TAFA1: variants seen among roughly 807,000 people sequenced by gnomAD.
TAFA1 encodes the protein TAFA chemokine like family member 1.
A neutral mutation model predicts 18.5 loss-of-function variants in TAFA1; 4 were observed. The ratio of observed to expected loss-of-function variants is 0.22; its 90% CI spans 0.11 to 0.49. The LOEUF (loss-of-function observed/expected upper bound fraction) is 0.49, where lower values mean the gene tolerates loss of function less well. TAFA1 is among the 20% of genes least tolerant of loss of function. TAFA1 has a pLI of 0.98. For missense variants in TAFA1, 147 were observed against 169.0 expected (o/e 0.87, Z 0.72); for synonymous variants, 56 against 55.2 (o/e 1.01, Z -0.06).
At chr3:67,996,183 A>G in the TAFA1 span, among the ~76,000 whole-genome samples, 1 of 152,184 alleles carries the variant, frequency 6.6e-6, no homozygotes, top group Non-Finnish European at 1.5e-5. Flanking sequence ...TTGGTAAACA[A>G]ATGACTGCCC....
At chr3:68,068,171 A>G (rs2064706934) in intron 2 of TAFA1, among the ~76,000 whole-genome samples, 2 of 152,234 alleles carry the variant, frequency 1.3e-5, no homozygotes, top group Admixed American at 1.3e-4. Context: ...ACTTAAAAAA[A>G]GTTTCAAACT....
chr3:68,137,008 T>C (rs1365621688), intron 2 of TAFA1, among the ~76,000 whole-genome samples: 1 of 152,180 alleles, frequency 6.6e-6, no homozygotes, highest in Non-Finnish European at 1.5e-5. Flanking sequence ...TTTTCAAGAA[T>C]ATAAGTTTTT....
intron 3 of TAFA1, among the ~76,000 whole-genome samples, chr3:68,488,163 G>A (rs1249405550): frequency 2.6e-5 from 4 of 152,142 alleles, no homozygotes; most frequent in Non-Finnish European, 4.4e-5. Flanking sequence ...ACAATCACAA[G>A]GTGATGTCCC....
chr3:68,294,273 T>G (rs140924933), intron 2 of TAFA1, among the ~76,000 whole-genome samples: 1 of 152,354 alleles, frequency 6.6e-6, no homozygotes, highest in Admixed American at 6.5e-5. Context: ...TAAATTTTCA[T>G]GTAGCCACAT....
chr3:68,545,297 T>G lies in TAFA1; in HGVS notation c.*794T>G, dbSNP rs578152216. 8 of 152,708 alleles carry G rather than the reference T, an allele frequency of 5.2e-5. No homozygotes were observed. Among genetic ancestry groups the G allele is most frequent in the African/African-American group, 1.7e-4 (7 of 41,552 alleles). 9.5% of individuals were successfully genotyped at this position (152,708 alleles called of 1,614,324 possible). Reference sequence around the variant, plus strand: ...TAAGGGAGCCACTCCACCATGCTATTAAGACTCTGGCAGAGTTATGGGTAG... The same window carrying G: ...TAAGGGAGCCACTCCACCATGCTATGAAGACTCTGGCAGAGTTATGGGTAG... On this transcript the variant is annotated 3_prime_UTR_variant, in exon 5 of 5. Transcript: ENST00000478136.
intron 2 of TAFA1, among the ~76,000 whole-genome samples, chr3:68,170,434 G>A (rs758601004): frequency 2.8e-4 from 43 of 152,198 alleles, no homozygotes; most frequent in Non-Finnish European, 5.6e-4. Flanking sequence ...GTTGTTTAAT[G>A]TTGCAGCTTT....
chr3:68,378,606 G>T (rs917210057), intron 2 of TAFA1, among the ~76,000 whole-genome samples: 1 of 152,160 alleles, frequency 6.6e-6, no homozygotes, highest in Non-Finnish European at 1.5e-5. Flanking sequence ...GGCATGACTG[G>T]TTTTCAAATG....
intron 2 of TAFA1, among the ~76,000 whole-genome samples, chr3:68,174,440 TG>T (rs1471615311): frequency 1.3e-5 from 2 of 152,044 alleles, no homozygotes; most frequent in Non-Finnish European, 2.9e-5. Flanking sequence ...ACAAAAATGC[TG>T]ATAGTGACAT....
chr3:68,438,182 A>G (rs1392086381), intron 3 of TAFA1, among the ~76,000 whole-genome samples: 1 of 151,788 alleles, frequency 6.6e-6, no homozygotes, highest in Admixed American at 6.6e-5. Context: ...AACAGACAAA[A>G]CCCTGTCTCT....
chr3:68,432,975 A>G (rs1469115010), intron 3 of TAFA1, among the ~76,000 whole-genome samples: 1 of 151,840 alleles, frequency 6.6e-6, no homozygotes, highest in Non-Finnish European at 1.5e-5. Context: ...GGCTTCAGAG[A>G]CCCAAATAGC....
intron 2 of TAFA1, among the ~76,000 whole-genome samples, chr3:68,103,416 C>G (rs1022300834): frequency 6.6e-6 from 1 of 152,150 alleles, no homozygotes; most frequent in Non-Finnish European, 1.5e-5. Context: ...CTTAGCTGTT[C>G]ATTCCTAAGT....
intron 2 of TAFA1, among the ~76,000 whole-genome samples, chr3:68,329,366 A>C (rs540412849): frequency 1.3e-5 from 2 of 151,764 alleles, no homozygotes; most frequent in East Asian, 1.9e-4. Context: ...GCGCCCAGCC[A>C]CTTGTGACCA....
intron 3 of TAFA1, among the ~76,000 whole-genome samples, chr3:68,512,708 G>A (rs888969052): frequency 1.3e-5 from 2 of 151,244 alleles, no homozygotes; most frequent in African/African-American, 4.9e-5. Flanking sequence ...TTGTTTGTTT[G>A]TTTGTTTGTT....
chr3:68,155,483 G>A (rs1348906723), intron 2 of TAFA1, among the ~76,000 whole-genome samples: 2 of 152,056 alleles, frequency 1.3e-5, no homozygotes, highest in South Asian at 2.1e-4. Context: ...CGCCTGCCCC[G>A]TTATTTCAGA....
intron 2 of TAFA1, among the ~76,000 whole-genome samples, chr3:68,371,257 C>T (rs570942822): frequency 1.9e-4 from 29 of 152,084 alleles, no homozygotes; most frequent in African/African-American, 6.0e-4. Flanking sequence ...ATGTGCAGAA[C>T]GTGAAGGTTT....
chr3:68,355,866 G>A (rs762041394), intron 2 of TAFA1, among the ~76,000 whole-genome samples: 45 of 152,014 alleles, frequency 3.0e-4, no homozygotes, highest in Non-Finnish European at 5.0e-4. Context: ...CTGAATGATT[G>A]TAGCTAGGCA....
intron 3 of TAFA1, among the ~76,000 whole-genome samples, chr3:68,442,139 AT>A (rs571611689): frequency 6.6e-6 from 1 of 152,000 alleles, no homozygotes; most frequent in Non-Finnish European, 1.5e-5. Flanking sequence ...CCTTATATCA[AT>A]TTTTTTAATT....
intron 2 of TAFA1, among the ~76,000 whole-genome samples, chr3:68,089,552 T>G (rs1208406666): frequency 6.6e-6 from 1 of 152,180 alleles, no homozygotes; most frequent in African/African-American, 2.4e-5. Context: ...ACCAGACATT[T>G]ATTTATATTA....
intron 2 of TAFA1, among the ~76,000 whole-genome samples, chr3:68,319,794 C>T (rs1379588442): frequency 6.6e-6 from 1 of 152,060 alleles, no homozygotes; most frequent in African/African-American, 2.4e-5. Context: ...GCATTAAATC[C>T]TTTACTCCAG....
Sources: allele counts gnomAD v4.1 joint callset (sites outside exome capture counted in the v4.1 genomes callset), GRCh38; gene constraint gnomAD v4.1.1; transcripts MANE v1.5; gene names NCBI Gene and HGNC (gene_info 2026-07-23, HGNC 2026-07-21).